PTPRD: variants seen among roughly 807,000 people sequenced by gnomAD.
PTPRD encodes the protein receptor-type tyrosine-protein phosphatase delta.
PTPRD carries 34 observed loss-of-function variants against 214.5 expected under a neutral mutation model. That is an observed-to-expected ratio of 0.16 (90% CI 0.12 to 0.21). PTPRD has a LOEUF of 0.21. PTPRD is among the 10% of genes least tolerant of loss of function. The probability of loss-of-function intolerance (pLI) is 1.00; values close to 1 mark genes in which losing one functional copy is unlikely to be tolerated. For synonymous variants in PTPRD, 1,128 were observed against 845.7 expected (o/e 1.33, Z -5.79); for missense variants, 2,545 against 2,398.7 (o/e 1.06, Z -1.27).
At chr9:9,740,892 C>G (rs2098391160) in intron 6 of PTPRD, among the ~76,000 whole-genome samples, 1 of 152,002 alleles carries the variant, frequency 6.6e-6, no homozygotes, top group South Asian at 2.1e-4. Context: ...AGAGAAAATA[C>G]CATATTCAAC....
intron 30 of PTPRD, among the ~76,000 whole-genome samples, chr9:8,474,899 T>G (rs893954668): frequency 2.0e-5 from 3 of 152,212 alleles, no homozygotes; most frequent in African/African-American, 7.2e-5. Context: ...GTTTTCAATC[T>G]TCTCACTTTC....
Position 9,188,808 on chromosome 9 carries a change from T to TTG in PTPRD, c.-202-5447_-202-5446dup, listed in dbSNP as rs5896310. ...TCACAGAATTTTAGTGCAAAATAAATTGTGTGTGTGTGTGTGTGTGTGTGT... is the reference window on the plus strand; with the variant it reads ...TCACAGAATTTTAGTGCAAAATAAATTGTGTGTGTGTGTGTGTGTGTGTGTGT... On this transcript the variant is annotated intron_variant, in intron 9 of 45. Transcript: ENST00000381196. Among the ~76,000 whole-genome samples, 512 of 148,502 alleles carry TTG rather than the reference T, an allele frequency of 3.4e-3. 6 individuals carry two copies. The highest frequency in any genetic ancestry group is 0.022 in the Admixed American group (330 of 14,794).
intron 11 of PTPRD, among the ~76,000 whole-genome samples, chr9:8,973,309 C>A (rs1021976743): frequency 1.3e-5 from 2 of 151,914 alleles, no homozygotes; most frequent in African/African-American, 4.8e-5. Context: ...TAGACGGACA[C>A]ACAGGATTTA....
intron 2 of PTPRD, among the ~76,000 whole-genome samples, chr9:10,526,845 G>A (rs10959147): frequency 0.16 from 24,846 of 152,034 alleles, 2,404 homozygotes; most frequent in Admixed American, 0.27. Flanking sequence ...CTCAGAAAGA[G>A]GGGAATGGCT....
At chr9:9,721,045 G>C (rs2097928962) in intron 7 of PTPRD, among the ~76,000 whole-genome samples, 1 of 152,084 alleles carries the variant, frequency 6.6e-6, no homozygotes, top group African/African-American at 2.4e-5. Flanking sequence ...ACGAGGCTTA[G>C]TACCTAGGTG....
At chr9:10,533,068 G>T (rs1370286475) in intron 2 of PTPRD, among the ~76,000 whole-genome samples, 2 of 152,016 alleles carry the variant, frequency 1.3e-5, no homozygotes, top group African/African-American at 4.8e-5. Context: ...GAATGGATTA[G>T]CTACGGGGTT....
chr9:9,020,052 G>A (rs777141169), intron 10 of PTPRD, among the ~76,000 whole-genome samples: 8 of 152,108 alleles, frequency 5.3e-5, no homozygotes, highest in Non-Finnish European at 1.2e-4. Flanking sequence ...GGGAGGAGAA[G>A]AGAAGAGGGA....
intron 7 of PTPRD, among the ~76,000 whole-genome samples, chr9:9,620,871 A>C (rs902525542): frequency 2.6e-5 from 4 of 152,230 alleles, no homozygotes; most frequent in African/African-American, 9.6e-5. Context: ...GAGGAGAAAA[A>C]AAAAAAAAAG....
At chr9:10,249,199 A>G (rs1301036542) in intron 3 of PTPRD, among the ~76,000 whole-genome samples, 1 of 152,056 alleles carries the variant, frequency 6.6e-6, no homozygotes, top group African/African-American at 2.4e-5. Flanking sequence ...AAGGAGATAG[A>G]AAAAAAAGGT....
chr9:10,401,635 TATCATC>T (rs1455572782), intron 2 of PTPRD, among the ~76,000 whole-genome samples: 1 of 147,774 alleles, frequency 6.8e-6, no homozygotes. Context: ...AGTATTAAAT[TATCATC>T]TAATACTATA....
At chr9:9,378,222 C>T (rs538972528) in intron 9 of PTPRD, among the ~76,000 whole-genome samples, 2 of 152,072 alleles carry the variant, frequency 1.3e-5, no homozygotes, top group South Asian at 4.1e-4. Flanking sequence ...AACCACTGAT[C>T]GTTAAATATC....
At chr9:8,497,810 TTG>T (rs1310157788) in intron 25 of PTPRD, among the ~76,000 whole-genome samples, 1 of 152,168 alleles carries the variant, frequency 6.6e-6, no homozygotes, top group Non-Finnish European at 1.5e-5. Flanking sequence ...TTTAATGCAT[TTG>T]GTATTATATA....
intron 14 of PTPRD, among the ~76,000 whole-genome samples, chr9:8,585,370 C>A (rs1220599126): frequency 6.6e-6 from 1 of 152,164 alleles, no homozygotes; most frequent in Non-Finnish European, 1.5e-5. Flanking sequence ...TGCCCTGGTT[C>A]TGTCAAGGTT....
intron 2 of PTPRD, among the ~76,000 whole-genome samples, chr9:10,529,745 T>A (rs1363217188): frequency 6.6e-6 from 1 of 151,182 alleles, no homozygotes; most frequent in Admixed American, 6.6e-5. Context: ...TGAGTTCATG[T>A]CTTTTGCAGG....
At chr9:9,012,745 C>T (rs2099516893) in intron 11 of PTPRD, among the ~76,000 whole-genome samples, 1 of 152,008 alleles carries the variant, frequency 6.6e-6, no homozygotes, top group African/African-American at 2.4e-5. Flanking sequence ...TTCTGCCATC[C>T]AGGATAAGAA....
chr9:10,293,181 T>G lies in PTPRD; in HGVS notation c.-545+47782A>C, dbSNP rs78600328. Among the ~76,000 whole-genome samples, 736 of 152,040 alleles carry G rather than the reference T, an allele frequency of 4.8e-3. 5 individuals carry two copies. Among genetic ancestry groups the G allele is most frequent in the African/African-American group, 0.017 (718 of 41,532 alleles). On this transcript the variant is annotated intron_variant, in intron 3 of 45. Transcript: ENST00000381196. The stretch of plus-strand genomic sequence containing the variant: ...CTCTGGCCTTGAATTCTTTATTTAC[T>G]GCTTCCACATCAAAATTAAGTACAC...
intron 2 of PTPRD, among the ~76,000 whole-genome samples, chr9:10,564,661 G>A (rs549606049): frequency 1.8e-4 from 28 of 152,042 alleles, no homozygotes; most frequent in African/African-American, 6.5e-4. Flanking sequence ...GCAGACTCAG[G>A]GGCTCACCAA....
chr9:9,174,377 C>T (rs1283445687), intron 10 of PTPRD, among the ~76,000 whole-genome samples: 1 of 152,144 alleles, frequency 6.6e-6, no homozygotes, highest in Non-Finnish European at 1.5e-5. Context: ...ATCATCACAA[C>T]TATGCTTTTA....
chr9:10,047,288 T>C (rs1271297532), intron 3 of PTPRD, among the ~76,000 whole-genome samples: 1 of 106,016 alleles, frequency 9.4e-6, no homozygotes. Context: ...TCCTCATAGG[T>C]AAAATGAAGA....
Sources: allele counts gnomAD v4.1 joint callset (sites outside exome capture counted in the v4.1 genomes callset), GRCh38; gene constraint gnomAD v4.1.1; transcripts MANE v1.5; gene names NCBI Gene and HGNC (gene_info 2026-07-23, HGNC 2026-07-21).